The following KCNIP4 variants were observed in gnomAD, a reference collection of about 807,000 sequenced individuals.
KCNIP4 encodes potassium voltage-gated channel interacting protein 4.
KCNIP4 carries 12 observed loss-of-function variants against 34.0 expected under a neutral mutation model. The ratio of observed to expected loss-of-function variants is 0.35; its 90% confidence interval spans 0.23 to 0.57. The LOEUF is 0.57. KCNIP4 is among the 20% of genes least tolerant of loss of function. KCNIP4 has a pLI of 0.83. For synonymous variants in KCNIP4, 124 were observed against 102.2 expected, an observed-to-expected ratio of 1.21 and a Z score of -1.29; for missense variants, 238 against 311.7, an observed-to-expected ratio of 0.76 and a Z score of 1.78.
chr4:21,837,505 G>C lies in KCNIP4; in HGVS notation c.61+111066C>G, dbSNP rs190734713. ...GCTGAGATAGCGCCATTGCACTCCAGCCTGGGCAACAAGAGCAAAACGCTG... is the reference window on the plus strand; with the variant it reads ...GCTGAGATAGCGCCATTGCACTCCACCCTGGGCAACAAGAGCAAAACGCTG... On this transcript the variant is annotated intron_variant, in intron 1 of 8. Transcript: ENST00000382152. Among the ~76,000 whole-genome samples, 380 of 93,966 alleles carry C rather than the reference G, an allele frequency of 4.0e-3. 4 individuals carry two copies. The highest frequency in any genetic ancestry group is 0.018 in the South Asian group (46 of 2,592). The allele number at this position is 93,966 out of a possible 152,430, so 61.6% of individuals were successfully genotyped here. A position where few individuals can be genotyped will look rare whatever the true frequency, so the allele number is the denominator to read the frequency against.
chr4:21,359,661 A>C (rs1719017277), intron 1 of KCNIP4, among the ~76,000 whole-genome samples: 1 of 152,078 alleles, frequency 6.6e-6, no homozygotes, highest in Non-Finnish European at 1.5e-5. Context: ...CATTCTCTTA[A>C]ACTCATCTTT....
At chr4:21,193,324 GA>G (rs2109354014) in intron 1 of KCNIP4, among the ~76,000 whole-genome samples, 1 of 152,154 alleles carries the variant, frequency 6.6e-6, no homozygotes, top group African/African-American at 2.4e-5. Flanking sequence ...GAGCTCAGGA[GA>G]AAAAGTAAAG....
intron 1 of KCNIP4, among the ~76,000 whole-genome samples, chr4:21,592,489 C>G (rs1439902048): frequency 6.6e-6 from 1 of 151,914 alleles, no homozygotes; most frequent in East Asian, 1.9e-4. Context: ...TTTAAAAGAC[C>G]TGGATAATTT....
intron 2 of KCNIP4, among the ~76,000 whole-genome samples, chr4:20,855,208 C>T (rs12645522): frequency 0.34 from 51,266 of 152,024 alleles, 10,003 homozygotes; most frequent in Admixed American, 0.45. Context: ...TCTCAAATAT[C>T]ATCCTTCAGT....
chr4:21,343,928 A>G (rs1268271562), intron 1 of KCNIP4, among the ~76,000 whole-genome samples: 1 of 152,112 alleles, frequency 6.6e-6, no homozygotes, highest in South Asian at 2.1e-4. Flanking sequence ...ATGCTATGAG[A>G]CCCATTTTAC....
chr4:21,108,031 A>G (rs1040539209), intron 1 of KCNIP4, among the ~76,000 whole-genome samples: 82 of 151,104 alleles, frequency 5.4e-4, no homozygotes, highest in Non-Finnish European at 1.9e-4. Context: ...GCTGCCCTTA[A>G]CATTTTTTCC....
intron 1 of KCNIP4, among the ~76,000 whole-genome samples, chr4:20,939,219 T>C (rs73242581): frequency 0.047 from 7,175 of 152,192 alleles, 192 homozygotes; most frequent in Middle Eastern, 0.1. Flanking sequence ...CTCCATAGGT[T>C]TCCTGGAGCT....
chr4:21,290,258 G>A (rs903377984), intron 1 of KCNIP4, among the ~76,000 whole-genome samples: 3 of 152,000 alleles, frequency 2.0e-5, no homozygotes, highest in African/African-American at 4.8e-5. Flanking sequence ...ACTCCTCAAT[G>A]TTAAATATGT....
intron 1 of KCNIP4, among the ~76,000 whole-genome samples, chr4:21,017,421 T>C (rs765650649): frequency 3.3e-5 from 5 of 152,310 alleles, no homozygotes; most frequent in South Asian, 2.1e-4. Context: ...AGCTCTCACT[T>C]ATAAGTGAGA....
chr4:21,196,258 T>C (rs1326129512), intron 1 of KCNIP4, among the ~76,000 whole-genome samples: 1 of 152,226 alleles, frequency 6.6e-6, no homozygotes, highest in Non-Finnish European at 1.5e-5. Context: ...ATAGAACACA[T>C]GTTTTCTGTT....
chr4:21,580,378 T>C (rs1288739293), intron 1 of KCNIP4, among the ~76,000 whole-genome samples: 1 of 152,132 alleles, frequency 6.6e-6, no homozygotes, highest in Non-Finnish European at 1.5e-5. Context: ...TAGCTCTGGA[T>C]ATGTCTTGTT....
chr4:20,927,593 C>T (rs954851559), intron 1 of KCNIP4, among the ~76,000 whole-genome samples: 1 of 152,094 alleles, frequency 6.6e-6, no homozygotes, highest in African/African-American at 2.4e-5. Context: ...CTTGATTCAA[C>T]ATTAATCCTT....
At chr4:20,767,690 C>G (rs1755533885) in intron 3 of KCNIP4, among the ~76,000 whole-genome samples, 1 of 152,144 alleles carries the variant, frequency 6.6e-6, no homozygotes, top group Non-Finnish European at 1.5e-5. Flanking sequence ...TTTGCCCACT[C>G]TATTAGCTGA....
chr4:21,555,146 G>A (rs11944586), intron 1 of KCNIP4, among the ~76,000 whole-genome samples: 29,796 of 151,932 alleles, frequency 0.2, 3,160 homozygotes, highest in East Asian at 0.31. Context: ...ATAGTGGTAC[G>A]TCCTTTCCCC....
At chr4:21,884,193 T>C (rs1726626591) in intron 1 of KCNIP4, among the ~76,000 whole-genome samples, 1 of 152,130 alleles carries the variant, frequency 6.6e-6, no homozygotes, top group African/African-American at 2.4e-5. Flanking sequence ...AAAGTATAAG[T>C]ACTTCCTATT....
At chr4:21,431,438 C>T (rs965106961) in intron 1 of KCNIP4, among the ~76,000 whole-genome samples, 9 of 152,012 alleles carry the variant, frequency 5.9e-5, no homozygotes, top group Admixed American at 1.3e-4. Context: ...TTTGCTTTGA[C>T]GTCGACCCTT....
intron 1 of KCNIP4, among the ~76,000 whole-genome samples, chr4:21,042,230 A>G (rs897934099): frequency 3.9e-5 from 6 of 152,212 alleles, no homozygotes; most frequent in Non-Finnish European, 8.8e-5. Flanking sequence ...GGTTGAAAAT[A>G]CACTCCTATG....
At chr4:21,350,776 C>T (rs973116785) in intron 1 of KCNIP4, among the ~76,000 whole-genome samples, 11 of 152,196 alleles carry the variant, frequency 7.2e-5, no homozygotes, top group South Asian at 2.1e-4. Context: ...GTAACATGGG[C>T]GAAGTGAATT....
At chr4:20,880,816 G>A (rs1031661420) in intron 2 of KCNIP4, among the ~76,000 whole-genome samples, 32 of 152,292 alleles carry the variant, frequency 2.1e-4, no homozygotes, top group African/African-American at 7.5e-4. Flanking sequence ...TCAATATCAT[G>A]TAGGATTAGG....
Sources: gnomAD v4.1 joint callset for allele counts (sites outside exome capture counted in the v4.1 genomes callset) on GRCh38, gnomAD v4.1.1 for gene constraint, MANE v1.5 for transcripts, NCBI Gene and HGNC (gene_info 2026-07-23, HGNC 2026-07-21) for gene names.